DMD: variants seen among roughly 807,000 people sequenced by gnomAD.
The protein encoded by DMD is mutant dystrophin.
In DMD, 63 loss-of-function variants were observed where a neutral mutation model predicts 330.1. The observed-to-expected ratio is 0.19, with a 90% CI of 0.16 to 0.24. The LOEUF is 0.24. Ranked by LOEUF, DMD falls within the 10% of genes least tolerant of loss-of-function variation. The pLI, the probability that DMD is intolerant of heterozygous loss-of-function variation, is 1.00. For missense variants in DMD, 3,344 were observed against 2,684.1 expected (o/e 1.25, Z -5.43); for synonymous variants, 1,223 against 959.8 (o/e 1.27, Z -5.07).
At chrX:31,308,516 A>G (rs1334001041) in intron 62 of DMD, among the ~76,000 whole-genome samples, 1 of 111,845 alleles carries the variant, frequency 8.9e-6, no homozygotes, top group Non-Finnish European at 1.9e-5. Context: ...GGGGCTATCT[A>G]GAATTTAAAA....
intron 11 of DMD, among the ~76,000 whole-genome samples, chrX:32,624,208 G>A (rs768948780): frequency 1.2e-4 from 13 of 111,866 alleles, no homozygotes; most frequent in African/African-American, 3.2e-4. Flanking sequence ...TCATTTAGAC[G>A]GGAAAGTAAA....
chrX:31,676,675 T>C (rs2082098926), intron 53 of DMD, among the ~76,000 whole-genome samples: 1 of 112,160 alleles, frequency 8.9e-6, no homozygotes, highest in Admixed American at 9.5e-5. Flanking sequence ...ATCACAACTC[T>C]ACTACTTTCA....
intron 9 of DMD, among the ~76,000 whole-genome samples, chrX:32,672,712 G>A (rs1602785129): frequency 9.0e-6 from 1 of 110,587 alleles, no homozygotes; most frequent in Non-Finnish European, 1.9e-5. Context: ...GAGAAAAAAA[G>A]TACTTATTTT....
At chrX:32,018,662 G>A (rs1349947899) in intron 44 of DMD, among the ~76,000 whole-genome samples, 3 of 110,661 alleles carry the variant, frequency 2.7e-5, no homozygotes, top group African/African-American at 6.6e-5. Flanking sequence ...CATTTATTTC[G>A]GCATATATAG....
intron 21 of DMD, among the ~76,000 whole-genome samples, chrX:32,484,545 AG>A (rs2042233749): frequency 8.9e-6 from 1 of 112,361 alleles, no homozygotes; most frequent in Admixed American, 9.5e-5. Flanking sequence ...CAGAAATATT[AG>A]AAGATGCCTA....
At chrX:31,632,651 A>C (rs1386753294) in intron 54 of DMD, among the ~76,000 whole-genome samples, 1 of 111,794 alleles carries the variant, frequency 8.9e-6, no homozygotes, top group African/African-American at 3.2e-5. Flanking sequence ...TTGGTGAGAT[A>C]TAGGTCAGAG....
chrX:32,141,678 A>AACACACAC (rs56858722), intron 44 of DMD, among the ~76,000 whole-genome samples: 17 of 88,113 alleles, frequency 1.9e-4, no homozygotes, highest in East Asian at 3.9e-4. Flanking sequence ...TATAGAGTGC[A>AACACACAC]ACACACACAC....
chrX:32,700,035 T>C (rs924166637), intron 7 of DMD, among the ~76,000 whole-genome samples: 2 of 111,673 alleles, frequency 1.8e-5, no homozygotes, highest in African/African-American at 6.5e-5. Flanking sequence ...AAGTCAATAA[T>C]ACTTTGTAAT....
At chrX:32,146,014 G>A (rs1415352666) in intron 44 of DMD, among the ~76,000 whole-genome samples, 1 of 111,648 alleles carries the variant, frequency 9.0e-6, no homozygotes, top group Admixed American at 9.6e-5. Flanking sequence ...TGTGGTAAGA[G>A]TCAAATGAAA....
intron 11 of DMD, among the ~76,000 whole-genome samples, chrX:32,631,731 G>A (rs2058744377): frequency 9.0e-6 from 1 of 111,045 alleles, no homozygotes; most frequent in Non-Finnish European, 1.9e-5. Flanking sequence ...GATCTGACAA[G>A]AATTCACCCA....
chrX:31,662,958 A>T (rs1302870342), intron 53 of DMD, among the ~76,000 whole-genome samples: 1 of 111,427 alleles, frequency 9.0e-6, no homozygotes, highest in African/African-American at 3.3e-5. Flanking sequence ...CTGTTAGCTA[A>T]CCACCAAGAG....
At chrX:32,540,754 G>A (rs964185725) in intron 17 of DMD, among the ~76,000 whole-genome samples, 2 of 111,680 alleles carry the variant, frequency 1.8e-5, no homozygotes, top group East Asian at 5.6e-4. Context: ...TGGCATGAAG[G>A]CATACAACAA....
At chrX:32,674,132 G>A (rs191930986) in intron 9 of DMD, among the ~76,000 whole-genome samples, 1 of 111,773 alleles carries the variant, frequency 8.9e-6, no homozygotes, top group East Asian at 2.8e-4. Flanking sequence ...CACCAGGAAG[G>A]CTCTGAAAGT....
intron 1 of DMD, among the ~76,000 whole-genome samples, chrX:33,297,528 T>G (rs887826091): frequency 9.0e-6 from 1 of 111,156 alleles, no homozygotes; most frequent in Non-Finnish European, 1.9e-5. Context: ...CAAAAATATA[T>G]CTGTACTCTG....
intron 44 of DMD, among the ~76,000 whole-genome samples, chrX:32,031,832 A>T (rs1047198876): frequency 2.7e-5 from 3 of 111,660 alleles, no homozygotes; most frequent in Admixed American, 1.9e-4. Context: ...CACAAATTCA[A>T]ATGTTTGTCT....
intron 62 of DMD, among the ~76,000 whole-genome samples, chrX:31,278,604 T>C (rs1462918594): frequency 8.9e-6 from 1 of 112,038 alleles, no homozygotes; most frequent in Non-Finnish European, 1.9e-5. Flanking sequence ...AGGAAAAACA[T>C]TGCTGCTAAA....
chrX:31,239,833 G>A (rs937204925), intron 63 of DMD, among the ~76,000 whole-genome samples: 8 of 111,655 alleles, frequency 7.2e-5, no homozygotes, highest in Non-Finnish European at 1.3e-4. Context: ...TGTTATAGAA[G>A]GAAGTCAGGA....
chrX:32,285,450 G>A (rs1166982973), intron 43 of DMD, among the ~76,000 whole-genome samples: 1 of 112,072 alleles, frequency 8.9e-6, no homozygotes, highest in Non-Finnish European at 1.9e-5. Flanking sequence ...GAGAGAGTCT[G>A]TTACTCAGGC....
chrX:31,810,456 A>G (rs1020971260), intron 50 of DMD, among the ~76,000 whole-genome samples: 2 of 112,169 alleles, frequency 1.8e-5, no homozygotes, highest in Admixed American at 1.9e-4. Flanking sequence ...AATAATTTAG[A>G]CAGTAACTGG....
Sources: gnomAD v4.1 joint callset for allele counts (sites outside exome capture counted in the v4.1 genomes callset) on GRCh38, gnomAD v4.1.1 for gene constraint, MANE v1.5 for transcripts, NCBI Gene and HGNC (gene_info 2026-07-23, HGNC 2026-07-21) for gene names.